Variants in NFIC observed in about 807,000 individuals in gnomAD.
The protein encoded by NFIC is nuclear factor I C, also known as nuclear factor 1 C-type.
NFIC carries 12 observed loss-of-function variants against 54.4 expected under a neutral mutation model. The ratio of observed to expected loss-of-function variants is 0.22; its 90% CI spans 0.14 to 0.36. The LOEUF (loss-of-function observed/expected upper bound fraction) is 0.36. Among genes scored for constraint, NFIC ranks in the 10% least tolerant of loss-of-function variants. The pLI is 1.00. For synonymous variants in NFIC, 322 were observed against 319.2 expected (o/e 1.01, Z -0.09); for missense variants, 575 against 718.2 (o/e 0.80, Z 2.28).
In NFIC at chr19:3,452,612, G is replaced by T; in HGVS notation, c.1215G>T (p.Pro405=). The T allele has an allele frequency of 6.2e-7, 1 of 1,613,276 alleles. No homozygotes were observed. The highest frequency in any genetic ancestry group is 8.5e-7 in the Non-Finnish European group (1 of 1,179,798). The change falls in exon 8 of 11, where the codon CCG becomes CCT. Residue 405 remains proline, a synonymous_variant. Transcript: ENST00000443272. This position sits in a 1 kb window ranked among gnomAD's most constrained non-coding sequence, Gnocchi z 5.3. ...RYPPHLNPQD[P]LKDLVSLACD... ...CACCTCATCTCAACCCCCAGGACCC[G>T]CTCAAAGATCTTGTCTCGCTGGCCT...
chr19:3,396,896 C>T (rs1397150973), intron 2 of NFIC, among the ~76,000 whole-genome samples: 3 of 152,104 alleles, frequency 2.0e-5, no homozygotes, highest in Non-Finnish European at 2.9e-5. Context: ...GCAGAGGTTG[C>T]GGTGAGCTGA....
chr19:3,422,855 G>C (rs1011091720), intron 2 of NFIC, among the ~76,000 whole-genome samples: 1 of 152,024 alleles, frequency 6.6e-6, no homozygotes, highest in Non-Finnish European at 1.5e-5. Context: ...ACAGGGCCTG[G>C]GAGGGAGAAC....
rs1286740736 is a variant in NFIC at position 3,453,415 on chromosome 19, T to C, written c.1270-348T>C. ...CCGTGGATGATGGTGGATGATGGCG[T>C]GCTCGCAGTGAATTAGGAAAAACGC... is the stretch of plus-strand genomic sequence containing the variant. On this transcript the variant is annotated intron_variant, in intron 8 of 10. Coordinates refer to ENST00000443272, the MANE Select transcript of NFIC (RefSeq NM_001245002.2). The surrounding 1 kb of genome is among the most constrained non-coding windows in gnomAD (Gnocchi z 6.7). Among the ~76,000 whole-genome samples the C allele has an allele frequency of 1.3e-5, 2 of 152,152 alleles. No homozygotes were observed. Among genetic ancestry groups the C allele is most frequent in the Non-Finnish European group, 2.9e-5 (2 of 68,028 alleles).
intron 2 of NFIC, among the ~76,000 whole-genome samples, chr19:3,414,991 C>T (rs190764116): frequency 5.3e-5 from 8 of 152,090 alleles, no homozygotes; most frequent in South Asian, 2.1e-4. Context: ...AGGTGCCTGC[C>T]GCCACACCCG....
At chr19:3,388,659 C>CA (rs1033703779) in intron 2 of NFIC, among the ~76,000 whole-genome samples, 3 of 144,380 alleles carry the variant, frequency 2.1e-5, no homozygotes, top group Non-Finnish European at 2.9e-5. Flanking sequence ...CATGCCCCCC[C>CA]CCAACAAAAT....
chr19:3,414,011 TC>T (rs1303025114), intron 2 of NFIC, among the ~76,000 whole-genome samples: 2 of 152,124 alleles, frequency 1.3e-5, no homozygotes, highest in Non-Finnish European at 2.9e-5. Flanking sequence ...GGGATTCTTG[TC>T]TGTCTCTGTT....
intron 2 of NFIC, among the ~76,000 whole-genome samples, chr19:3,404,651 G>A (rs937031224): frequency 2.6e-5 from 4 of 152,018 alleles, no homozygotes; most frequent in Admixed American, 6.5e-5. Context: ...GCCAGCCTGC[G>A]CCGCCCAGAC....
intron 2 of NFIC, among the ~76,000 whole-genome samples, chr19:3,399,242 T>A (rs959987356): frequency 6.6e-6 from 1 of 152,178 alleles, no homozygotes; most frequent in Admixed American, 6.6e-5. Flanking sequence ...TAGCGCCTGC[T>A]CTGTGGGGTT....
intron 7 of NFIC, among the ~76,000 whole-genome samples, chr19:3,450,042 A>G (rs996073320): frequency 1.5e-4 from 23 of 150,596 alleles, no homozygotes; most frequent in African/African-American, 5.1e-4. Flanking sequence ...GCGACAGAGC[A>G]AGACCCTGTC....
rs974691832 is a variant in NFIC, at chr19:3,463,462, G to T, written c.*693G>T. ...AGCCCTGGCCAGGGGAGGAAGTGAG[G>T]CCCAGGCACCTGCTGCCCCTCGAGG... is the stretch of plus-strand genomic sequence containing the variant. On this transcript the variant is annotated 3_prime_UTR_variant, in exon 11 of 11. Coordinates refer to ENST00000443272, the MANE Select transcript of NFIC (RefSeq NM_001245002.2). 4.1e-6 allele frequency: 4 copies of T among 985,294 alleles called. No individual in the cohort carries two copies. The highest frequency in any genetic ancestry group is 3.5e-5 in the African/African-American group (2 of 57,190). The allele number at this position is 985,294 out of a possible 1,614,324, so 61.0% of individuals were successfully genotyped here.
At chr19:3,396,118 T>C (rs1477127314) in intron 2 of NFIC, among the ~76,000 whole-genome samples, 1 of 152,146 alleles carries the variant, frequency 6.6e-6, no homozygotes, top group Non-Finnish European at 1.5e-5. Flanking sequence ...GGACTGGTGG[T>C]GACCCCCAGT....
chr19:3,408,377 T>G (rs77348800), intron 2 of NFIC, among the ~76,000 whole-genome samples: 6,238 of 152,248 alleles, frequency 0.041, 434 homozygotes, highest in African/African-American at 0.14. Flanking sequence ...GAAGCCAAGA[T>G]TCCCAACACC....
At chr19:3,373,097 G>A (rs952368261) in intron 1 of NFIC, among the ~76,000 whole-genome samples, 25 of 152,078 alleles carry the variant, frequency 1.6e-4, no homozygotes, top group Non-Finnish European at 2.9e-4. Flanking sequence ...CGCCCGCCTC[G>A]GCCTCCCAAA....
chr19:3,454,809 G>A (rs367615931), intron 9 of NFIC, among the ~76,000 whole-genome samples: 3 of 151,208 alleles, frequency 2.0e-5, no homozygotes, highest in East Asian at 1.9e-4. Context: ...TTCCTTCTAG[G>A]TGCCCTCAGC....
chr19:3,406,247 G>A (rs561213166), intron 2 of NFIC, among the ~76,000 whole-genome samples: 79 of 152,014 alleles, frequency 5.2e-4, no homozygotes, highest in African/African-American at 1.4e-3. Context: ...CACCCGCCAC[G>A]ATGCCCTGCT....
Position 3,399,550 on chromosome 19 carries a change from T to A in NFIC, c.562+17307T>A, listed in dbSNP as rs4344868. ...GTGATTGGGCCACTGCACTCCAGCC[T>A]GGGTGACAGAGCAACACCCTGTCTC... is the stretch of plus-strand genomic sequence containing the variant. On this transcript the variant is annotated intron_variant, in intron 2 of 10. Coordinates refer to ENST00000443272, the MANE Select transcript of NFIC (RefSeq NM_001245002.2). 6.6e-5 allele frequency among the ~76,000 whole-genome samples: 10 copies of A among 151,828 alleles called. No individual in the cohort carries two copies. In the South Asian group the frequency reaches 1.2e-3, roughly 19 times the overall value.
intron 7 of NFIC, 45 bp downstream of exon 7, chr19:3,449,184 T>C (rs34947929): frequency 6.3e-7 from 1 of 1,588,410 alleles, no homozygotes; most frequent in Non-Finnish European, 8.6e-7. Flanking sequence ...CGGGCCCTCC[T>C]ATCAGGCCTC....
At chr19:3,406,643 G>T (rs1240066534) in intron 2 of NFIC, among the ~76,000 whole-genome samples, 1 of 152,158 alleles carries the variant, frequency 6.6e-6, no homozygotes, top group East Asian at 1.9e-4. Flanking sequence ...TGAGGCTGGG[G>T]TTGGCACAGA....
At chr19:3,442,415 C>T (rs2082308641) in intron 6 of NFIC, among the ~76,000 whole-genome samples, 1 of 146,872 alleles carries the variant, frequency 6.8e-6, no homozygotes, top group Non-Finnish European at 1.5e-5. Context: ...GAATCTCACT[C>T]TGTTGCCCAG....
Sources: gnomAD v4.1 joint callset for allele counts (sites outside exome capture counted in the v4.1 genomes callset) on GRCh38, gnomAD v4.1.1 for gene constraint, Gnocchi (gnomAD v3.1) non-coding constraint, MANE v1.5 for transcripts, NCBI Gene and HGNC (gene_info 2026-07-23, HGNC 2026-07-21) for gene names.